GPR143: variants seen among roughly 807,000 people sequenced by gnomAD.
The protein encoded by GPR143 is G protein-coupled receptor 143.
Under a neutral mutation model 27.6 loss-of-function variants are expected in GPR143, and 8 were observed. That is an observed-to-expected ratio of 0.29 (90% confidence interval 0.17 to 0.52). The LOEUF is 0.52. Among genes scored for constraint, GPR143 ranks in the 20% least tolerant of loss-of-function variants. The probability of loss-of-function intolerance (pLI) is 0.96; values close to 1 mark genes in which losing one functional copy is unlikely to be tolerated. For missense variants in GPR143, 303 were observed against 343.1 expected, an observed-to-expected ratio of 0.88 and a Z score of 0.92; for synonymous variants, 156 against 153.2, an observed-to-expected ratio of 1.02 and a Z score of -0.13.
At chrX:9,727,675 C>T (rs1281139889) in intron 8 of GPR143, among the ~76,000 whole-genome samples, 1 of 112,858 alleles carries the variant, frequency 8.9e-6, no homozygotes, top group African/African-American at 3.2e-5. Context: ...GTACTTGCTC[C>T]AGCCGCAACA....
chrX:9,764,949 G>A (rs1601891005), intron 1 of GPR143, among the ~76,000 whole-genome samples: 2 of 108,450 alleles, frequency 1.8e-5, no homozygotes, highest in African/African-American at 3.4e-5. Context: ...CCTTGAACCC[G>A]GGAGGTGGAG....
At chrX:9,738,937 T>A (rs987066354) in intron 8 of GPR143, among the ~76,000 whole-genome samples, 2 of 112,412 alleles carry the variant, frequency 1.8e-5, no homozygotes, top group Middle Eastern at 4.6e-3. Flanking sequence ...TTTGTATTTT[T>A]AGTAGAGATG....
At chrX:9,727,692 A>G (rs1340527308) in intron 8 of GPR143, among the ~76,000 whole-genome samples, 3 of 112,912 alleles carry the variant, frequency 2.7e-5, no homozygotes, top group African/African-American at 9.6e-5. Context: ...AACACAGGTT[A>G]TGGGCTTTCA....
chrX:9,746,743 C>G (rs73472095), intron 4 of GPR143, among the ~76,000 whole-genome samples: 6,771 of 109,808 alleles, frequency 0.062, 535 homozygotes, highest in African/African-American at 0.21. Flanking sequence ...ACAGAATGTG[C>G]TGGAGGGCCT....
chrX:9,766,656 G>A (rs1448951204), upstream of GPR143, among the ~76,000 whole-genome samples: 1 of 111,882 alleles, frequency 8.9e-6, no homozygotes, highest in Non-Finnish European at 1.9e-5. Flanking sequence ...AGCCCAGGAG[G>A]TGGAGTTTGC....
At chrX:9,775,824 T>C (rs188939949) in intron 1 of GPR143, among the ~76,000 whole-genome samples, 1 of 112,288 alleles carries the variant, frequency 8.9e-6, no homozygotes, top group African/African-American at 3.2e-5. Flanking sequence ...AGGAAGTGTG[T>C]GTGCGGCAGG....
At chrX:9,728,466 T>C (rs1256950798) in intron 8 of GPR143, among the ~76,000 whole-genome samples, 2 of 105,309 alleles carry the variant, frequency 1.9e-5, no homozygotes, top group Non-Finnish European at 3.9e-5. Context: ...AGGAGAGATG[T>C]ACTTGGAAAG....
chrX:9,734,212 T>G (rs112825735), intron 8 of GPR143, among the ~76,000 whole-genome samples: 1,470 of 109,387 alleles, frequency 0.013, 33 homozygotes, highest in African/African-American at 0.045. Context: ...AATAGGGAAT[T>G]ATGAGAGAAA....
chrX:9,752,252 G>A (rs1372103803), intron 3 of GPR143, among the ~76,000 whole-genome samples: 2 of 111,619 alleles, frequency 1.8e-5, no homozygotes, highest in South Asian at 3.8e-4. Context: ...ATTTTTAGTA[G>A]AGATGGAGTC....
chrX:9,761,064 C>T (rs1389018374), intron 1 of GPR143, among the ~76,000 whole-genome samples: 3 of 110,997 alleles, frequency 2.7e-5, no homozygotes, highest in African/African-American at 9.8e-5. Flanking sequence ...GATTGAAACT[C>T]ATAAAATAAC....
At chrX:9,739,843 A>G in intron 7 of GPR143, 124 bp from the exon 8 acceptor site, 1 of 537,020 alleles carries the variant, frequency 1.9e-6, no homozygotes, top group Non-Finnish European at 3.2e-6. Flanking sequence ...CTTGGAAGGG[A>G]CCATGGGTTG....
At chrX:9,777,890 A>G (rs935212190) in intron 1 of GPR143, among the ~76,000 whole-genome samples, 3 of 109,821 alleles carry the variant, frequency 2.7e-5, no homozygotes, top group Non-Finnish European at 3.8e-5. Context: ...GGAGATCGAG[A>G]CCATCCTGGC....
chrX:9,734,080 CAAAAAAA>C (rs34722888), intron 8 of GPR143, among the ~76,000 whole-genome samples: 1 of 57,888 alleles, frequency 1.7e-5, no homozygotes, highest in African/African-American at 5.8e-5. Flanking sequence ...AACTCTGTCT[CAAAAAAA>C]AAAAAAAAAA....
At chrX:9,762,403 T>G (rs1263872851) in intron 1 of GPR143, among the ~76,000 whole-genome samples, 4 of 109,653 alleles carry the variant, frequency 3.6e-5, no homozygotes, top group Non-Finnish European at 7.6e-5. Flanking sequence ...AAAAAAAAAG[T>G]ATGCTAGGTA....
upstream of GPR143, among the ~76,000 whole-genome samples, chrX:9,767,724 A>C (rs757775285): frequency 1.5e-4 from 17 of 112,454 alleles, no homozygotes; most frequent in African/African-American, 5.5e-4. Flanking sequence ...TACACACTCC[A>C]TTGTAAAAAC....
chrX:9,774,817 C>T (rs1238726799), intron 1 of GPR143, among the ~76,000 whole-genome samples: 2 of 111,506 alleles, frequency 1.8e-5, no homozygotes, highest in African/African-American at 3.3e-5. Context: ...GGGAATTTGG[C>T]AGCTCTGCAA....
intron 8 of GPR143, among the ~76,000 whole-genome samples, chrX:9,735,644 G>A (rs1020007051): frequency 3.6e-5 from 4 of 111,972 alleles, no homozygotes; most frequent in Non-Finnish European, 7.5e-5. Flanking sequence ...CGGCTAAAAT[G>A]GTGTTGAATA....
At chrX:9,729,836 T>A (rs2083345406) in intron 8 of GPR143, among the ~76,000 whole-genome samples, 1 of 112,352 alleles carries the variant, frequency 8.9e-6, no homozygotes. Context: ...GTTGTTTGGA[T>A]TCTCTCAGCC....
At chrX:9,728,739 G>A (rs1209081207) in intron 8 of GPR143, among the ~76,000 whole-genome samples, 2 of 104,841 alleles carry the variant, frequency 1.9e-5, no homozygotes, top group African/African-American at 7.2e-5. Context: ...CTTAAGCCCA[G>A]GAGTTTGAAG....
Sources: gnomAD v4.1 joint callset for allele counts (sites outside exome capture counted in the v4.1 genomes callset) on GRCh38, gnomAD v4.1.1 for gene constraint, MANE v1.5 for transcripts, NCBI Gene and HGNC (gene_info 2026-07-23, HGNC 2026-07-21) for gene names.